The following FBXL4 variants were observed in gnomAD, a reference collection of about 807,000 sequenced individuals.
FBXL4 encodes the protein F-box and leucine rich repeat protein 4.
Under a neutral mutation model 58.9 loss-of-function variants are expected in FBXL4, and 40 were observed. The ratio of observed to expected loss-of-function variants is 0.68; its 90% confidence interval spans 0.53 to 0.88. The LOEUF is 0.88. Ranked by LOEUF, FBXL4 falls within the 40% of genes least tolerant of loss-of-function variation. The pLI is 0.00. For missense variants in FBXL4, 676 were observed against 734.4 expected, an observed-to-expected ratio of 0.92 and a Z score of 0.92; for synonymous variants, 263 against 265.5, an observed-to-expected ratio of 0.99 and a Z score of 0.09.
At chr6:98,899,214 A>T in intron 7 of FBXL4, 54 bp downstream of exon 7, 5 of 1,591,148 alleles carry the variant, frequency 3.1e-6, no homozygotes, top group Non-Finnish European at 4.3e-6. Context: ...CAGAAAACCA[A>T]ATCTTCAGTT....
At chr6:98,891,667 T>G (rs2128385561) in intron 7 of FBXL4, among the ~76,000 whole-genome samples, 1 of 150,672 alleles carries the variant, frequency 6.6e-6, no homozygotes, top group Middle Eastern at 3.4e-3. Flanking sequence ...GGAGGATCAC[T>G]TGAGCCCAGG....
At position 98,874,478 on chromosome 6, in the gene FBXL4, C is replaced by CAT. The variant is rs758040836; in HGVS notation, c.1703-38_1703-37insAT. On this transcript the variant is annotated intron_variant, in intron 9 of 9. Transcript: ENST00000369244. Reference sequence around the variant, plus strand: ...AAACAAAACAAAACAAAACAAAACACCTTAAGTATAACATTTATATAATGT... The same window carrying CAT: ...AAACAAAACAAAACAAAACAAAACACATCTTAAGTATAACATTTATATAATGT... The CAT allele has an allele frequency of 3.2e-6, 5 of 1,550,986 alleles. No homozygotes were observed. In the East Asian group the frequency reaches 9.0e-5, roughly 28 times the overall value.
At chr6:98,897,363 C>A (rs1771445003) in intron 7 of FBXL4, 1 of 983,970 alleles carries the variant, frequency 1.0e-6, no homozygotes, top group African/African-American at 1.7e-5. Flanking sequence ...AGGCTAATAT[C>A]ATCTGGCATT....
At chr6:98,924,697 A>G (rs1240325689) in intron 4 of FBXL4, among the ~76,000 whole-genome samples, 1 of 152,102 alleles carries the variant, frequency 6.6e-6, no homozygotes, top group African/African-American at 2.4e-5. Flanking sequence ...GTAGTTCTGG[A>G]AAAAAAAGTA....
At chr6:98,896,626 C>G in intron 7 of FBXL4, 1 of 329,998 alleles carries the variant, frequency 3.0e-6, no homozygotes, top group Non-Finnish European at 4.3e-6. Flanking sequence ...TCACTGAAAA[C>G]TCAGTTTTAT....
intron 7 of FBXL4, among the ~76,000 whole-genome samples, chr6:98,891,705 T>C (rs1771233372): frequency 7.3e-6 from 1 of 136,474 alleles, no homozygotes; most frequent in Non-Finnish European, 1.5e-5. Flanking sequence ...AGAAACACAG[T>C]GAGACCCTAT....
intron 8 of FBXL4, among the ~76,000 whole-genome samples, chr6:98,876,149 T>C (rs1452358681): frequency 1.3e-5 from 2 of 152,226 alleles, no homozygotes; most frequent in East Asian, 1.9e-4. Flanking sequence ...GATGTGTATC[T>C]GGTAGGCTCT....
rs1214583518 is a variant in FBXL4 at position 98,873,389 on chromosome 6, T to C, written c.*889A>G. 2 of 149,812 alleles carry C rather than the reference T, an allele frequency of 1.3e-5. No homozygotes were observed. Among genetic ancestry groups the C allele is most frequent in the Non-Finnish European group, 3.0e-5 (2 of 67,560 alleles). The allele number at this position is 149,812 out of a possible 1,614,324, so 9.3% of individuals were successfully genotyped here. On this transcript the variant is annotated 3_prime_UTR_variant, in exon 10 of 10. Transcript: ENST00000369244. Reference sequence around the variant, plus strand: ...TATATAATATATATCTCCACATTTATGTTTTTTTATATAATTCAGAAACCT... The same window carrying C: ...TATATAATATATATCTCCACATTTACGTTTTTTTATATAATTCAGAAACCT...
At chr6:98,924,198 T>A (rs1772687207) in intron 4 of FBXL4, among the ~76,000 whole-genome samples, 1 of 152,136 alleles carries the variant, frequency 6.6e-6, no homozygotes, top group Non-Finnish European at 1.5e-5. Context: ...CTTTTCAGAT[T>A]TTTGGAAAAA....
chr6:98,911,042 G>A (rs981361905), intron 5 of FBXL4, among the ~76,000 whole-genome samples: 5 of 63,468 alleles, frequency 7.9e-5, no homozygotes, highest in East Asian at 2.0e-4. Flanking sequence ...CACCTGGCTC[G>A]GAGGGTCCTA....
intron 4 of FBXL4, among the ~76,000 whole-genome samples, chr6:98,925,544 G>A (rs1196972238): frequency 6.6e-6 from 1 of 152,186 alleles, no homozygotes; most frequent in Non-Finnish European, 1.5e-5. Context: ...CTGCATTAAT[G>A]TTTATAAGAG....
At chr6:98,908,578 T>G (rs1771905836) in intron 5 of FBXL4, among the ~76,000 whole-genome samples, 1 of 152,172 alleles carries the variant, frequency 6.6e-6, no homozygotes, top group South Asian at 2.1e-4. Context: ...AGAATTGCCA[T>G]TCACAATGTT....
intron 4 of FBXL4, among the ~76,000 whole-genome samples, chr6:98,924,523 C>T (rs1393632067): frequency 6.6e-6 from 1 of 152,180 alleles, no homozygotes; most frequent in Non-Finnish European, 1.5e-5. Flanking sequence ...TGCCACTACA[C>T]TCCAGCCTGG....
intron 8 of FBXL4, among the ~76,000 whole-genome samples, chr6:98,879,265 G>A (rs1770761919): frequency 6.6e-6 from 1 of 152,126 alleles, no homozygotes; most frequent in Admixed American, 6.5e-5. Context: ...CTAGAATCTT[G>A]CAATCATTTT....
chr6:98,930,346 C>T (rs184946707), intron 2 of FBXL4, among the ~76,000 whole-genome samples: 1 of 152,174 alleles, frequency 6.6e-6, no homozygotes, highest in Non-Finnish European at 1.5e-5. Flanking sequence ...CTTGAGCCCG[C>T]CGGGGCGGAA....
At position 98,873,923 on chromosome 6, in the gene FBXL4, CT is replaced by C. The variant is rs1002904761; in HGVS notation, c.*354del. 8.6e-4 allele frequency: 136 copies of C among 157,510 alleles called. No homozygotes were observed. The highest frequency in any genetic ancestry group is 2.8e-3 in the Middle Eastern group (1 of 352). The allele number at this position is 157,510 out of a possible 1,614,324, so 9.8% of individuals were successfully genotyped here. A position where few individuals can be genotyped will look rare whatever the true frequency, so the allele number is the denominator to read the frequency against. On this transcript the variant is annotated 3_prime_UTR_variant, in exon 10 of 10. Transcript: ENST00000369244. ...CTTACATGAAGGTGTAAAAAATTAA[CT>C]TTTTTTTTTGCATAAATGCCACGAT...
intron 7 of FBXL4, among the ~76,000 whole-genome samples, chr6:98,889,212 G>A (rs536946168): frequency 4.6e-5 from 7 of 152,246 alleles, no homozygotes; most frequent in East Asian, 3.9e-4. Flanking sequence ...TCAGGGTTCC[G>A]GACCTTCCTA....
intron 7 of FBXL4, among the ~76,000 whole-genome samples, chr6:98,889,538 T>G (rs1771151559): frequency 6.6e-6 from 1 of 151,850 alleles, no homozygotes; most frequent in African/African-American, 2.4e-5. Flanking sequence ...AAAATTAGCT[T>G]GGCACGGTGG....
rs908987612 is a variant in FBXL4 at position 98,872,012 on chromosome 6, C to G, written c.*2266G>C. 1 of 152,114 alleles carries G rather than the reference C, an allele frequency of 6.6e-6. No individual in the cohort carries two copies. The highest frequency in any genetic ancestry group is 1.5e-5 in the Non-Finnish European group (1 of 68,016). The allele number at this position is 152,114 out of a possible 1,614,324, so 9.4% of individuals were successfully genotyped here. A position where few individuals can be genotyped will look rare whatever the true frequency, so the allele number is the denominator to read the frequency against. ...TTACAAGGCAAAACGTGTTTACAAG[C>G]AAAACATAAGTCATTTTGATGACAA... On this transcript the variant is annotated 3_prime_UTR_variant, in exon 10 of 10. Transcript: ENST00000369244.
Sources: allele counts gnomAD v4.1 joint callset (sites outside exome capture counted in the v4.1 genomes callset), GRCh38; gene constraint gnomAD v4.1.1; transcripts MANE v1.5; gene names NCBI Gene and HGNC (gene_info 2026-07-23, HGNC 2026-07-21).